The following MEIKIN variants were observed in gnomAD, a reference collection of about 807,000 sequenced individuals.
MEIKIN encodes meiotic kinetochore factor, also known as meiosis-specific kinetochore protein.
chr5:131,828,527 G>C (rs759708711), intron 11 of MEIKIN, among the ~76,000 whole-genome samples: 2 of 152,056 alleles, frequency 1.3e-5, no homozygotes, highest in Admixed American at 1.3e-4. Context: ...AATGACAAAA[G>C]GTTTTTAGAA....
At chr5:131,860,630 G>A (rs969085381) in intron 9 of MEIKIN, among the ~76,000 whole-genome samples, 1 of 150,226 alleles carries the variant, frequency 6.7e-6, no homozygotes, top group Admixed American at 6.6e-5. Flanking sequence ...TTTATTTTTA[G>A]TAGAGACGGG....
At chr5:131,858,105 G>A (rs1054638768) in intron 9 of MEIKIN, among the ~76,000 whole-genome samples, 2 of 152,346 alleles carry the variant, frequency 1.3e-5, no homozygotes, top group African/African-American at 4.8e-5. Flanking sequence ...AGTGCAGCGA[G>A]TTCCTAAGCT....
intron 9 of MEIKIN, among the ~76,000 whole-genome samples, chr5:131,871,073 C>T (rs1351479168): frequency 3.3e-5 from 5 of 152,192 alleles, no homozygotes; most frequent in South Asian, 4.1e-4. Context: ...CCAGCATGAG[C>T]GACGCAGAAG....
chr5:131,893,133 T>C (rs1445235102), intron 8 of MEIKIN, among the ~76,000 whole-genome samples: 1 of 151,896 alleles, frequency 6.6e-6, no homozygotes, highest in African/African-American at 2.4e-5. Context: ...GACAGGGGCA[T>C]TTAAGTCTGC....
chr5:131,883,070 T>A (rs1391906318), intron 8 of MEIKIN, among the ~76,000 whole-genome samples: 1 of 152,250 alleles, frequency 6.6e-6, no homozygotes, highest in East Asian at 1.9e-4. Flanking sequence ...TTCCACTATG[T>A]AACATTTGTT....
rs147144202 is a variant in MEIKIN at position 131,903,060 on chromosome 5, G to C, written c.703+8755C>G. ...CCATGCTGAGGAAAGAATCTCAGAG[G>C]TTGAAGCCTGGATGTACAAAAGAAC... On this transcript the variant is annotated intron_variant, in intron 8 of 12. Transcript: ENST00000442687. 7.4e-4 allele frequency among the ~76,000 whole-genome samples: 113 copies of C among 152,174 alleles called. No homozygotes were observed. The East Asian group carries it at 0.014, about 19-fold the overall frequency.
At chr5:131,835,540 T>C (rs547961171) in intron 11 of MEIKIN, among the ~76,000 whole-genome samples, 1 of 152,326 alleles carries the variant, frequency 6.6e-6, no homozygotes, top group African/African-American at 2.4e-5. Flanking sequence ...AGTTAATTTT[T>C]CTATATGGTG....
At chr5:131,860,128 T>C (rs983396022) in intron 9 of MEIKIN, among the ~76,000 whole-genome samples, 3 of 152,206 alleles carry the variant, frequency 2.0e-5, no homozygotes, top group East Asian at 1.9e-4. Context: ...ACTGAATCTA[T>C]AGATTGCTTT....
intron 9 of MEIKIN, among the ~76,000 whole-genome samples, chr5:131,863,196 GT>G (rs1438448578): frequency 6.6e-6 from 1 of 152,094 alleles, no homozygotes; most frequent in Non-Finnish European, 1.5e-5. Context: ...GACTTGTTTT[GT>G]GGCCTAACAT....
chr5:131,915,513 T>C (rs900638534), intron 7 of MEIKIN, among the ~76,000 whole-genome samples: 10 of 152,184 alleles, frequency 6.6e-5, no homozygotes, highest in African/African-American at 2.4e-4. Flanking sequence ...GGGTGACTAT[T>C]TGTCCAAACT....
At chr5:131,877,882 T>C (rs1349491987) in intron 9 of MEIKIN, among the ~76,000 whole-genome samples, 4 of 152,226 alleles carry the variant, frequency 2.6e-5, no homozygotes, top group African/African-American at 9.6e-5. Context: ...CTGTAAGTTT[T>C]AAATTGCACA....
At chr5:131,918,970 C>T (rs1247485960) in intron 6 of MEIKIN, among the ~76,000 whole-genome samples, 4 of 152,046 alleles carry the variant, frequency 2.6e-5, no homozygotes, top group Non-Finnish European at 1.5e-5. Flanking sequence ...ATGGGAGAAA[C>T]ATAAACCCAG....
At chr5:131,877,362 C>A (rs1326583015) in intron 9 of MEIKIN, among the ~76,000 whole-genome samples, 1 of 152,194 alleles carries the variant, frequency 6.6e-6, no homozygotes, top group East Asian at 1.9e-4. Context: ...CCTCCAGATT[C>A]CAGCTGGGCA....
intron 8 of MEIKIN, among the ~76,000 whole-genome samples, chr5:131,902,405 C>A (rs1751173898): frequency 1.3e-5 from 2 of 151,888 alleles, no homozygotes; most frequent in Non-Finnish European, 2.9e-5. Flanking sequence ...TGCACTCTAG[C>A]CTGGGTGACA....
intron 9 of MEIKIN, among the ~76,000 whole-genome samples, chr5:131,862,940 C>T (rs1750312547): frequency 6.6e-6 from 1 of 152,156 alleles, no homozygotes; most frequent in Non-Finnish European, 1.5e-5. Context: ...CTCAAGTGAT[C>T]CTCCCACTGC....
intron 11 of MEIKIN, among the ~76,000 whole-genome samples, chr5:131,828,472 G>A (rs914558935): frequency 3.9e-5 from 6 of 152,072 alleles, no homozygotes; most frequent in Non-Finnish European, 8.8e-5. Context: ...CCTAATATAA[G>A]ATTTGGAAGA....
intron 4 of MEIKIN, among the ~76,000 whole-genome samples, chr5:131,935,597 T>C (rs1008806469): frequency 6.6e-6 from 1 of 152,158 alleles, no homozygotes; most frequent in Non-Finnish European, 1.5e-5. Flanking sequence ...TGATAGAAAC[T>C]GGTTGCGGGG....
chr5:131,917,639 C>T (rs897467924), intron 6 of MEIKIN, among the ~76,000 whole-genome samples: 7 of 150,720 alleles, frequency 4.6e-5, no homozygotes, highest in African/African-American at 1.7e-4. Context: ...GAAATGCATA[C>T]TAATAGATTG....
At chr5:131,897,410 T>A (rs1487987378) in intron 8 of MEIKIN, among the ~76,000 whole-genome samples, 1 of 152,230 alleles carries the variant, frequency 6.6e-6, no homozygotes, top group Non-Finnish European at 1.5e-5. Context: ...TTCTCTGTAT[T>A]TCCTGAATTT....
Sources: gnomAD v4.1 joint callset for allele counts (sites outside exome capture counted in the v4.1 genomes callset) on GRCh38, gnomAD v4.1.1 for gene constraint, MANE v1.5 for transcripts, NCBI Gene and HGNC (gene_info 2026-07-23, HGNC 2026-07-21) for gene names.